TTC29: variants seen among roughly 807,000 people sequenced by gnomAD.
The protein encoded by TTC29 is tetratricopeptide repeat domain 29, also known as tetratricopeptide repeat protein 29.
In TTC29, 49 loss-of-function variants were observed where a neutral mutation model predicts 58.1. The ratio of observed to expected loss-of-function variants is 0.84; its 90% CI spans 0.67 to 1.07. TTC29 has a LOEUF of 1.07. Ranked by LOEUF, TTC29 falls within the 50% of genes least tolerant of loss-of-function variation. TTC29 has a pLI of 0.00. For synonymous variants in TTC29, 209 were observed against 196.8 expected (o/e 1.06, Z -0.52); for missense variants, 582 against 555.6 (o/e 1.05, Z -0.48).
intron 8 of TTC29, among the ~76,000 whole-genome samples, chr4:146,856,567 T>C (rs1729868440): frequency 6.6e-6 from 1 of 151,738 alleles, no homozygotes. Flanking sequence ...TTGAGCTTTC[T>C]GATTTTCTAC....
chr4:146,872,239 C>A (rs576615524), intron 7 of TTC29, among the ~76,000 whole-genome samples: 3 of 152,136 alleles, frequency 2.0e-5, no homozygotes, highest in Admixed American at 2.0e-4. Flanking sequence ...CATGTGCACA[C>A]ACACACACAT....
intron 6 of TTC29, among the ~76,000 whole-genome samples, chr4:146,880,862 G>A (rs562739327): frequency 5.9e-5 from 9 of 151,864 alleles, no homozygotes; most frequent in South Asian, 2.1e-4. Context: ...GCTTGCGCCC[G>A]TAAGCTACGA....
At chr4:146,876,636 T>C (rs2150225658) in intron 6 of TTC29, among the ~76,000 whole-genome samples, 1 of 152,200 alleles carries the variant, frequency 6.6e-6, no homozygotes, top group African/African-American at 2.4e-5. Flanking sequence ...AAACGGTCTG[T>C]AGAAAAATTC....
At chr4:146,872,194 C>T (rs1730977614) in intron 7 of TTC29, among the ~76,000 whole-genome samples, 1 of 151,898 alleles carries the variant, frequency 6.6e-6, no homozygotes, top group African/African-American at 2.4e-5. Flanking sequence ...TGGATATCCA[C>T]TTTCAAAATA....
chr4:146,912,855 G>A (rs1227304641), intron 4 of TTC29, among the ~76,000 whole-genome samples: 1 of 152,056 alleles, frequency 6.6e-6, no homozygotes, highest in Non-Finnish European at 1.5e-5. Flanking sequence ...ACATTTTAAG[G>A]AGACAAAAAT....
rs142616158 is a variant in TTC29 at position 146,856,087 on chromosome 4, T to TACA, written c.885+11410_885+11411insTGT. On this transcript the variant is annotated intron_variant, in intron 8 of 12. Coordinates refer to ENST00000325106, the MANE Select transcript of TTC29 (RefSeq NM_031956.4). ...TTGAACTTTAAGGAGTATACATACA[T>TACA]TATGTTCCATATGTCACTATTTAGT... Among the ~76,000 whole-genome samples, 1,080 of 152,318 alleles carry TACA rather than the reference T, an allele frequency of 7.1e-3. 14 individuals are homozygous for TACA. The highest frequency in any genetic ancestry group is 0.025 in the African/African-American group (1,020 of 41,560).
At chr4:146,916,213 C>A (rs1431975797) in intron 4 of TTC29, among the ~76,000 whole-genome samples, 3 of 151,660 alleles carry the variant, frequency 2.0e-5, no homozygotes, top group Non-Finnish European at 4.4e-5. Context: ...CATTTCTTGA[C>A]ATACACCTAC....
chr4:146,801,689 C>G (rs1168681728), intron 11 of TTC29, among the ~76,000 whole-genome samples: 1 of 151,436 alleles, frequency 6.6e-6, no homozygotes, highest in African/African-American at 2.4e-5. Context: ...TAAAGAAAAA[C>G]AAAAGAGCAA....
intron 9 of TTC29, among the ~76,000 whole-genome samples, chr4:146,830,338 A>G (rs1728075768): frequency 6.6e-6 from 1 of 152,068 alleles, no homozygotes; most frequent in Non-Finnish European, 1.5e-5. Flanking sequence ...CAGGCAGGCA[A>G]CTCTGTATTA....
chr4:146,802,169 T>C (rs771354560), intron 11 of TTC29, among the ~76,000 whole-genome samples: 8 of 152,054 alleles, frequency 5.3e-5, no homozygotes, highest in Non-Finnish European at 1.0e-4. Context: ...ACTCATCTTC[T>C]ACTAAACCTT....
chr4:146,871,505 G>A (rs1730929485), intron 7 of TTC29, among the ~76,000 whole-genome samples: 1 of 151,806 alleles, frequency 6.6e-6, no homozygotes, highest in African/African-American at 2.4e-5. Flanking sequence ...CTTGTATATA[G>A]AGAATCCTAA....
At position 146,808,996 on chromosome 4, in the gene TTC29, G is replaced by C. The variant is rs573362731; in HGVS notation, c.1102-5311C>G. Among the ~76,000 whole-genome samples the C allele has an allele frequency of 2.0e-4, 30 of 151,670 alleles. No individual in the cohort carries two copies. In the South Asian group the frequency reaches 3.3e-3, roughly 17 times the overall value. ...ACCTGACTTCAAACTATACTACAAG[G>C]CTACAGTAACCAAAACAGCATGGTA... On this transcript the variant is annotated intron_variant, in intron 10 of 12. Coordinates refer to ENST00000325106, the MANE Select transcript of TTC29 (RefSeq NM_031956.4).
intron 10 of TTC29, 104 bp downstream of exon 10, chr4:146,820,021 A>C: frequency 6.8e-7 from 1 of 1,461,876 alleles, no homozygotes; most frequent in Non-Finnish European, 9.4e-7. Context: ...TCTGCATAAT[A>C]TATTGTGGGA....
chr4:146,935,757 A>T (rs1425583443), intron 4 of TTC29, among the ~76,000 whole-genome samples: 1 of 152,150 alleles, frequency 6.6e-6, no homozygotes, highest in African/African-American at 2.4e-5. Flanking sequence ...ACTGTGAAAA[A>T]CCTAGTATTA....
intron 4 of TTC29, among the ~76,000 whole-genome samples, chr4:146,912,760 G>A (rs1389078485): frequency 1.3e-5 from 2 of 152,272 alleles, no homozygotes; most frequent in South Asian, 4.1e-4. Context: ...GAACAGATGG[G>A]AGACTGGTGG....
At chr4:146,792,247 A>C (rs1469672771) in intron 11 of TTC29, among the ~76,000 whole-genome samples, 1 of 152,242 alleles carries the variant, frequency 6.6e-6, no homozygotes, top group African/African-American at 2.4e-5. Flanking sequence ...AACTCTTATT[A>C]GTAGCTACTG....
At chr4:146,942,620 A>G (rs1458877131) in intron 2 of TTC29, 1 of 1,534,006 alleles carries the variant, frequency 6.5e-7, no homozygotes, top group Non-Finnish European at 8.7e-7. Context: ...ACAGAGTTCC[A>G]GAGTCTTCCA....
chr4:146,920,009 G>T (rs1734478275), intron 4 of TTC29, among the ~76,000 whole-genome samples: 1 of 150,874 alleles, frequency 6.6e-6, no homozygotes, highest in African/African-American at 2.4e-5. Flanking sequence ...ATAGTCATGA[G>T]AATCTGTAGT....
chr4:146,846,838 G>A (rs1025922578), intron 8 of TTC29, among the ~76,000 whole-genome samples: 2 of 152,044 alleles, frequency 1.3e-5, no homozygotes, highest in Admixed American at 1.3e-4. Flanking sequence ...AAATTTCATT[G>A]TAGTTTCCTT....
Sources: allele counts gnomAD v4.1 joint callset (sites outside exome capture counted in the v4.1 genomes callset), GRCh38; gene constraint gnomAD v4.1.1; transcripts MANE v1.5; gene names NCBI Gene and HGNC (gene_info 2026-07-23, HGNC 2026-07-21).